Variants in NXN observed in about 807,000 individuals in gnomAD.
The protein encoded by NXN is nucleoredoxin 1.
Under a neutral mutation model 48.6 loss-of-function variants are expected in NXN, and 16 were observed. That is an observed-to-expected ratio of 0.33 (90% CI 0.22 to 0.50). NXN has a LOEUF of 0.50. Among genes scored for constraint, NXN ranks in the 20% least tolerant of loss-of-function variants. The pLI, the probability that NXN is intolerant of heterozygous loss-of-function variation, is 0.98. For missense variants in NXN, 492 were observed against 605.5 expected, an observed-to-expected ratio of 0.81 and a Z score of 1.97; for synonymous variants, 281 against 269.6, an observed-to-expected ratio of 1.04 and a Z score of -0.41.
chr17:916,011 G>A (rs1361487065), intron 1 of NXN, among the ~76,000 whole-genome samples: 1 of 152,196 alleles, frequency 6.6e-6, no homozygotes, highest in Non-Finnish European at 1.5e-5. Flanking sequence ...CTTCTCAAAA[G>A]GCAAAGATAA....
chr17:916,660 C>A (rs571410471), intron 1 of NXN, among the ~76,000 whole-genome samples: 1 of 152,100 alleles, frequency 6.6e-6, no homozygotes, highest in Non-Finnish European at 1.5e-5. Flanking sequence ...AGCAGCTGGC[C>A]GGGCACGGTG....
At chr17:951,032 T>C (rs1280831746) in intron 1 of NXN, among the ~76,000 whole-genome samples, 2 of 151,814 alleles carry the variant, frequency 1.3e-5, no homozygotes, top group African/African-American at 4.8e-5. Flanking sequence ...ACCCTAGTAC[T>C]CCGCATTATA....
intron 1 of NXN, among the ~76,000 whole-genome samples, chr17:879,287 G>T (rs111467723): frequency 0.038 from 1,546 of 40,784 alleles, 14 homozygotes; most frequent in Non-Finnish European, 0.086. Flanking sequence ...TTTGGTTTTT[G>T]GTTTTTTGTT....
In NXN at chr17:823,423, G is replaced by A. The variant is rs549719251; in HGVS notation, c.612+209C>T. On this transcript the variant is annotated intron_variant, in intron 3 of 7. Transcript: ENST00000336868. Reference sequence around the variant, plus strand: ...CAGAAAAAAAAAAAAGAGGGCTATCGTTATAGATCAGTCAAAGAAGTCATT... The same window carrying A: ...CAGAAAAAAAAAAAAGAGGGCTATCATTATAGATCAGTCAAAGAAGTCATT... Among the ~76,000 whole-genome samples the A allele has an allele frequency of 5.3e-5, 8 of 151,622 alleles. No homozygotes were observed. The South Asian group carries it at 6.3e-4, about 12-fold the overall frequency.
intron 5 of NXN, among the ~76,000 whole-genome samples, chr17:812,217 G>A (rs2144603335): frequency 6.6e-6 from 1 of 152,262 alleles, no homozygotes; most frequent in African/African-American, 2.4e-5. Flanking sequence ...GTGAGCCACT[G>A]CGCGTGGCCT....
chr17:812,769 TGTAG>T lies in NXN; in HGVS notation c.820+6666_820+6669del, dbSNP rs559364362. 3.4e-5 allele frequency among the ~76,000 whole-genome samples: 5 copies of T among 145,206 alleles called. No homozygotes were observed. The South Asian group carries it at 1.1e-3, about 31-fold the overall frequency. On this transcript the variant is annotated intron_variant, in intron 5 of 7. Coordinates refer to ENST00000336868, the MANE Select transcript of NXN (RefSeq NM_022463.5). Reference sequence around the variant, plus strand: ...GAGTGAGAGTGTGCATATGTGTGAGTGTAGGTGTGTGCATGTGTGTAGGTGTGTG... The same window carrying T: ...GAGTGAGAGTGTGCATATGTGTGAGTGTGTGTGCATGTGTGTAGGTGTGTG...
rs1163394755 is a variant in NXN, at chr17:849,592, C to T, written c.361-23514G>A. 1.3e-5 allele frequency among the ~76,000 whole-genome samples: 2 copies of T among 152,198 alleles called. No homozygotes were observed. The highest frequency in any genetic ancestry group is 2.4e-5 in the African/African-American group (1 of 41,442). The stretch of plus-strand genomic sequence containing the variant: ...CAGGAGGGCACCGCACTGGCCCTCT[C>T]AGCCTCAGGGGCCGCTGGACTCCCT... On this transcript the variant is annotated intron_variant, in intron 1 of 7. Coordinates refer to ENST00000336868, the MANE Select transcript of NXN (RefSeq NM_022463.5). This position sits in a 1 kb window ranked among gnomAD's most constrained non-coding sequence, Gnocchi z 4.2.
intron 1 of NXN, among the ~76,000 whole-genome samples, chr17:858,642 G>C (rs1414875753): frequency 6.6e-6 from 1 of 152,068 alleles, no homozygotes; most frequent in South Asian, 2.1e-4. Context: ...ACAGCAGCCT[G>C]TGTGTGAACC....
chr17:818,171 G>A (rs890756395), intron 5 of NXN, among the ~76,000 whole-genome samples: 9 of 152,080 alleles, frequency 5.9e-5, no homozygotes, highest in African/African-American at 1.9e-4. Flanking sequence ...TGAGGTGAGA[G>A]GATGGCTTGA....
At chr17:938,944 C>T (rs1003909675) in intron 1 of NXN, among the ~76,000 whole-genome samples, 4 of 150,626 alleles carry the variant, frequency 2.7e-5, no homozygotes, top group African/African-American at 7.3e-5. Context: ...CCCAGCTACA[C>T]GGGACGCTGA....
At position 827,079 on chromosome 17, in the gene NXN, G is replaced by A. The variant is rs1056084984; in HGVS notation, c.361-1001C>T. Among the ~76,000 whole-genome samples, 7 of 152,194 alleles carry A rather than the reference G, an allele frequency of 4.6e-5. No individual in the cohort carries two copies. In the South Asian group the frequency reaches 6.2e-4, roughly 14 times the overall value. On this transcript the variant is annotated intron_variant, in intron 1 of 7. Coordinates refer to ENST00000336868, the MANE Select transcript of NXN (RefSeq NM_022463.5). ...CATAATTAAATGCAATGTCGGGGCCGGGCACGGTGGCTCACACCTGTGATC... is the reference window on the plus strand; with the variant it reads ...CATAATTAAATGCAATGTCGGGGCCAGGCACGGTGGCTCACACCTGTGATC...
chr17:818,884 C>CAAAAAAAAAAAAAAAA (rs1229405533), intron 5 of NXN, among the ~76,000 whole-genome samples: 5 of 140,124 alleles, frequency 3.6e-5, no homozygotes, highest in African/African-American at 1.4e-4. Flanking sequence ...GACTCCGTCT[C>CAAAAAAAAAAAAAAAA]AAAAAAAAAA....
chr17:951,222 C>T (rs1361563539), intron 1 of NXN, among the ~76,000 whole-genome samples: 8 of 139,820 alleles, frequency 5.7e-5, no homozygotes, highest in African/African-American at 2.1e-4. Context: ...TGGTAGCGGG[C>T]GCCTGTAAGC....
intron 1 of NXN, among the ~76,000 whole-genome samples, chr17:861,330 C>T (rs532883930): frequency 4.6e-5 from 7 of 152,240 alleles, no homozygotes; most frequent in African/African-American, 1.7e-4. Context: ...GACGGGGTTT[C>T]ACCATGTTGG....
chr17:901,426 G>C (rs1270087049), intron 1 of NXN, among the ~76,000 whole-genome samples: 1 of 152,136 alleles, frequency 6.6e-6, no homozygotes, highest in Admixed American at 6.6e-5. Flanking sequence ...GGAAACAGCA[G>C]ACCTGGTCCA....
chr17:809,899 C>CAG (rs1911822378), intron 5 of NXN, among the ~76,000 whole-genome samples: 33 of 91,720 alleles, frequency 3.6e-4, no homozygotes, highest in East Asian at 8.7e-4. Context: ...TTAAGAGTCC[C>CAG]TGTGAGTGCC....
intron 1 of NXN, among the ~76,000 whole-genome samples, chr17:878,597 T>C (rs919530064): frequency 9.2e-5 from 14 of 151,948 alleles, no homozygotes; most frequent in Middle Eastern, 3.4e-3. Flanking sequence ...GGCTGGCCCA[T>C]AGGGCAGTGA....
At chr17:975,870 C>T (rs1403791957) in intron 1 of NXN, among the ~76,000 whole-genome samples, 1 of 152,192 alleles carries the variant, frequency 6.6e-6, no homozygotes, top group African/African-American at 2.4e-5. Context: ...CCAAATTTCA[C>T]CACCTCCTGA....
chr17:976,240 G>A (rs1597293593), intron 1 of NXN, among the ~76,000 whole-genome samples: 1 of 150,906 alleles, frequency 6.6e-6, no homozygotes, highest in East Asian at 1.9e-4. Flanking sequence ...AGAGGAACCA[G>A]GCAAAATGCA....
Sources: allele counts gnomAD v4.1 joint callset (sites outside exome capture counted in the v4.1 genomes callset), GRCh38; gene constraint gnomAD v4.1.1; non-coding constraint Gnocchi (gnomAD v3.1); transcripts MANE v1.5; gene names NCBI Gene and HGNC (gene_info 2026-07-23, HGNC 2026-07-21).